The following CCDC30 variants were observed in gnomAD, a reference collection of about 807,000 sequenced individuals.
The protein encoded by CCDC30 is coiled-coil domain-containing protein 30.
CCDC30 carries 70 observed loss-of-function variants against 100.2 expected under a neutral mutation model. The observed-to-expected ratio is 0.70, with a 90% CI of 0.58 to 0.85. CCDC30 has a LOEUF of 0.85. Among genes scored for constraint, CCDC30 ranks in the 40% least tolerant of loss-of-function variants. The pLI is 0.00. For missense variants in CCDC30, 652 were observed against 771.2 expected, an observed-to-expected ratio of 0.85 and a Z score of 1.83; for synonymous variants, 233 against 269.5, an observed-to-expected ratio of 0.86 and a Z score of 1.33.
chr1:42,488,267 T>C (rs1644083154), intron 3 of CCDC30, among the ~76,000 whole-genome samples: 1 of 152,176 alleles, frequency 6.6e-6, no homozygotes, highest in Admixed American at 6.5e-5. Context: ...CAATACAGTT[T>C]TAGAAATATT....
the CCDC30 span, chr1:42,457,096 T>G: frequency 1.1e-3 from 1,659 of 1,577,746 alleles, 4 homozygotes; most frequent in Non-Finnish European, 1.2e-3. Context: ...GGAGTACCCC[T>G]TTTGCCTGGA....
chr1:42,593,248 T>C (rs1012280600), intron 10 of CCDC30: 2 of 152,194 alleles, frequency 1.3e-5, no homozygotes, highest in Non-Finnish European at 2.9e-5. Flanking sequence ...TCCTTGGGTT[T>C]GATCTTTTTG....
intron 3 of CCDC30, among the ~76,000 whole-genome samples, chr1:42,485,108 T>G (rs1048931164): frequency 1.3e-5 from 2 of 152,186 alleles, no homozygotes; most frequent in African/African-American, 4.8e-5. Context: ...TATTCATAAG[T>G]GAATGAAATG....
At chr1:42,540,618 G>A (rs567022051) in intron 6 of CCDC30, among the ~76,000 whole-genome samples, 3 of 151,452 alleles carry the variant, frequency 2.0e-5, no homozygotes, top group East Asian at 3.9e-4. Flanking sequence ...ACATGGTATC[G>A]TGTTTACCTT....
At chr1:42,612,076 T>C (rs1169239179) in intron 11 of CCDC30, among the ~76,000 whole-genome samples, 2 of 152,194 alleles carry the variant, frequency 1.3e-5, no homozygotes, top group Non-Finnish European at 2.9e-5. Context: ...ATAAACATAA[T>C]TTTATGGTTT....
intron 6 of CCDC30, among the ~76,000 whole-genome samples, chr1:42,553,554 G>A (rs1402821626): frequency 2.0e-5 from 3 of 151,686 alleles, no homozygotes; most frequent in East Asian, 3.9e-4. Context: ...AACTCAGGAG[G>A]CTGAGGCAGG....
At chr1:42,513,226 G>T (rs1644506592) in intron 6 of CCDC30, among the ~76,000 whole-genome samples, 1 of 152,158 alleles carries the variant, frequency 6.6e-6, no homozygotes, top group Admixed American at 6.5e-5. Context: ...GAGGAGAGCA[G>T]CTCTCTCTTG....
intron 6 of CCDC30, among the ~76,000 whole-genome samples, chr1:42,502,653 ACT>A (rs1347139335): frequency 6.6e-6 from 1 of 151,826 alleles, no homozygotes; most frequent in Admixed American, 6.6e-5. Flanking sequence ...CAAGAGAGAA[ACT>A]CTATCCATTA....
chr1:42,463,405 T>C (rs1643468584), exon 1 of CCDC30: 1 of 152,160 alleles, frequency 6.6e-6, no homozygotes, highest in African/African-American at 2.4e-5. Context: ...GTTCTTGAGG[T>C]TCCTGCCTCA....
intron 4 of CCDC30, among the ~76,000 whole-genome samples, chr1:42,495,165 A>G (rs75318334): frequency 1.9e-3 from 259 of 136,206 alleles, no homozygotes; most frequent in Admixed American, 2.9e-3. Context: ...ACCATGGAAT[A>G]CTATGCAGCC....
intron 6 of CCDC30, among the ~76,000 whole-genome samples, chr1:42,524,368 T>C (rs1644692790): frequency 6.6e-6 from 1 of 152,192 alleles, no homozygotes; most frequent in Non-Finnish European, 1.5e-5. Flanking sequence ...GTTTCCTCTC[T>C]ATACGCAGTT....
chr1:42,564,523 C>CAGGTGAT (rs1557858494), intron 6 of CCDC30, among the ~76,000 whole-genome samples: 46 of 152,136 alleles, frequency 3.0e-4, no homozygotes, highest in African/African-American at 1.0e-3. Context: ...CTCCTGACCT[C>CAGGTGAT]CCAAAGTGCT....
chr1:42,501,321 A>G (rs1158754269), intron 6 of CCDC30, among the ~76,000 whole-genome samples: 1 of 152,244 alleles, frequency 6.6e-6, no homozygotes, highest in Non-Finnish European at 1.5e-5. Flanking sequence ...TTTATTAAAA[A>G]CATTTATAAA....
intron 11 of CCDC30, among the ~76,000 whole-genome samples, chr1:42,618,889 C>G (rs1179845192): frequency 6.6e-6 from 1 of 152,228 alleles, no homozygotes; most frequent in African/African-American, 2.4e-5. Flanking sequence ...AGGCACACTA[C>G]TTCCATTCAT....
chr1:42,574,582 TA>T (rs573494210), intron 7 of CCDC30, among the ~76,000 whole-genome samples: 119 of 152,286 alleles, frequency 7.8e-4, no homozygotes, highest in African/African-American at 2.7e-3. Flanking sequence ...AACCAAATTT[TA>T]GCTTGTTGAT....
intron 6 of CCDC30, among the ~76,000 whole-genome samples, chr1:42,520,043 A>G (rs1644613176): frequency 6.6e-6 from 1 of 151,878 alleles, no homozygotes; most frequent in East Asian, 1.9e-4. Context: ...AATTTTGTTG[A>G]TCTTTTCAAA....
chr1:42,559,300 C>A (rs1202099275), intron 6 of CCDC30, among the ~76,000 whole-genome samples: 1 of 152,102 alleles, frequency 6.6e-6, no homozygotes, highest in African/African-American at 2.4e-5. Flanking sequence ...ACAATACTAA[C>A]CTTAAATGTA....
intron 6 of CCDC30, among the ~76,000 whole-genome samples, chr1:42,516,355 T>A (rs1644554326): frequency 6.6e-6 from 1 of 151,726 alleles, no homozygotes; most frequent in African/African-American, 2.4e-5. Context: ...GAGTGACAGG[T>A]GTTTGGGTCA....
chr1:42,602,276 G>T (rs1300066836), intron 10 of CCDC30, among the ~76,000 whole-genome samples: 1 of 151,046 alleles, frequency 6.6e-6, no homozygotes, highest in East Asian at 1.9e-4. Context: ...ACATGGTGGT[G>T]TTTGTGTAAA....
Sources: allele counts gnomAD v4.1 joint callset (sites outside exome capture counted in the v4.1 genomes callset), GRCh38; gene constraint gnomAD v4.1.1; transcripts MANE v1.5; gene names NCBI Gene and HGNC (gene_info 2026-07-23, HGNC 2026-07-21).